DLGAP2: variants seen among roughly 807,000 people sequenced by gnomAD.
DLGAP2 encodes disks large-associated protein 2.
Under a neutral mutation model 100.3 loss-of-function variants are expected in DLGAP2, and 26 were observed. The observed-to-expected ratio is 0.26, with a 90% CI of 0.19 to 0.36. DLGAP2 has a LOEUF of 0.36. DLGAP2 is among the 10% of genes least tolerant of loss of function. The pLI, the probability that DLGAP2 is intolerant of heterozygous loss-of-function variation, is 1.00. For synonymous variants in DLGAP2, 886 were observed against 630.1 expected, an observed-to-expected ratio of 1.41 and a Z score of -6.08; for missense variants, 1,858 against 1,453.2, an observed-to-expected ratio of 1.28 and a Z score of -4.53.
intron 2 of DLGAP2, among the ~76,000 whole-genome samples, chr8:1,010,282 A>T (rs1476743167): frequency 2.1e-5 from 3 of 143,644 alleles, no homozygotes; most frequent in African/African-American, 8.1e-5. Flanking sequence ...ACATTCTCAC[A>T]TATGTGTGTA....
chr8:1,163,245 G>C (rs996200502), intron 2 of DLGAP2, among the ~76,000 whole-genome samples: 1 of 152,176 alleles, frequency 6.6e-6, no homozygotes, highest in Non-Finnish European at 1.5e-5. Flanking sequence ...CCTCCCAATC[G>C]CCTCCCTCTG....
At position 1,348,899 on chromosome 8, in the gene DLGAP2, C is replaced by G. The variant is rs1585285543; in HGVS notation, c.106+90016C>G. On this transcript the variant is annotated intron_variant, in intron 3 of 14. Coordinates refer to ENST00000637795, the MANE Select transcript of DLGAP2 (RefSeq NM_001346810.2). Reference sequence around the variant, plus strand: ...TGCCTTTGGAATCTTGTGGCATCATCTCAGGTTTGGATTTTGGATGTGACC... The same window carrying G: ...TGCCTTTGGAATCTTGTGGCATCATGTCAGGTTTGGATTTTGGATGTGACC... 2.0e-5 allele frequency among the ~76,000 whole-genome samples: 3 copies of G among 152,302 alleles called. No individual in the cohort carries two copies. In the East Asian group the frequency reaches 5.8e-4, roughly 29 times the overall value.
chr8:1,212,176 C>T (rs1167629824), intron 2 of DLGAP2, among the ~76,000 whole-genome samples: 2 of 152,228 alleles, frequency 1.3e-5, no homozygotes, highest in Non-Finnish European at 2.9e-5. Context: ...CCCCACATTC[C>T]CAAGAGCCTC....
At chr8:1,604,017 C>T (rs556951111) in intron 6 of DLGAP2, among the ~76,000 whole-genome samples, 97 of 152,284 alleles carry the variant, frequency 6.4e-4, no homozygotes, top group African/African-American at 2.2e-3. Context: ...AAGCCAGCTG[C>T]GGCCACACAT....
chr8:885,336 C>A (rs1255476407), intron 1 of DLGAP2, among the ~76,000 whole-genome samples: 1 of 152,102 alleles, frequency 6.6e-6, no homozygotes, highest in African/African-American at 2.4e-5. Flanking sequence ...TGAAGAGGTC[C>A]TTCACATCCC....
In DLGAP2 at chr8:1,350,801, TGC is replaced by T. The variant is rs1262772323; in HGVS notation, c.106+91920_106+91921del. 1.0e-4 allele frequency among the ~76,000 whole-genome samples: 5 copies of T among 49,460 alleles called. 1 individual carries two copies. The highest frequency in any genetic ancestry group is 1.3e-4 in the African/African-American group (2 of 15,362). 32.4% of individuals were successfully genotyped at this position (49,460 alleles called of 152,430 possible). On this transcript the variant is annotated intron_variant, in intron 3 of 14. Transcript: ENST00000637795. ...GGAAAGGCCGTGCGGGTCCTGAGTG[TGC>T]GTGGAAAGGCCATGCGGGTCCTGAG... is the stretch of plus-strand genomic sequence containing the variant.
At chr8:932,698 G>A (rs1798985524) in intron 2 of DLGAP2, among the ~76,000 whole-genome samples, 1 of 152,170 alleles carries the variant, frequency 6.6e-6, no homozygotes, top group Non-Finnish European at 1.5e-5. Context: ...GAAAGACAGA[G>A]AAAGAATCGT....
intron 3 of DLGAP2, among the ~76,000 whole-genome samples, chr8:1,298,123 C>G (rs377102969): frequency 0.04 from 2,452 of 61,486 alleles, 10 homozygotes; most frequent in Middle Eastern, 0.14. Context: ...TGGCAGGCGT[C>G]AACAGACACC....
intron 2 of DLGAP2, among the ~76,000 whole-genome samples, chr8:1,124,926 A>G (rs1796131167): frequency 6.6e-6 from 1 of 152,162 alleles, no homozygotes; most frequent in South Asian, 2.1e-4. Flanking sequence ...CTCTGCCCCT[A>G]TACCGAGGAG....
At chr8:1,544,056 C>T (rs2130499075) in intron 4 of DLGAP2, among the ~76,000 whole-genome samples, 1 of 152,184 alleles carries the variant, frequency 6.6e-6, no homozygotes, top group South Asian at 2.1e-4. Context: ...GTGCCTACTA[C>T]TATGCCTGGC....
chr8:1,593,414 C>G (rs1014874260), intron 6 of DLGAP2, among the ~76,000 whole-genome samples: 1 of 151,932 alleles, frequency 6.6e-6, no homozygotes, highest in African/African-American at 2.4e-5. Flanking sequence ...GAGATCGCGC[C>G]ACTGCACTCC....
intron 8 of DLGAP2, among the ~76,000 whole-genome samples, chr8:1,644,843 A>G (rs551952861): frequency 3.7e-4 from 56 of 152,386 alleles, no homozygotes; most frequent in Admixed American, 3.5e-3. Flanking sequence ...AAAGCATTAC[A>G]TTAAAAACAA....
In DLGAP2 at chr8:789,429, A is replaced by C. The variant is rs144247842; in HGVS notation, c.18+51604A>C. Among the ~76,000 whole-genome samples the C allele has an allele frequency of 9.0e-3, 1,377 of 152,276 alleles. 8 individuals carry two copies. The highest frequency in any genetic ancestry group is 0.017 in the Middle Eastern group (5 of 294). On this transcript the variant is annotated intron_variant, in intron 1 of 14. Coordinates refer to ENST00000637795, the MANE Select transcript of DLGAP2 (RefSeq NM_001346810.2). ...TGAGAACTCACTCACTATCACAAGA[A>C]CAGCAAGGGGAAATCCACCCCTGTG... is the stretch of plus-strand genomic sequence containing the variant.
At chr8:1,182,950 A>G (rs1330870544) in intron 2 of DLGAP2, among the ~76,000 whole-genome samples, 1 of 152,074 alleles carries the variant, frequency 6.6e-6, no homozygotes, top group East Asian at 1.9e-4. Flanking sequence ...GGAGACGCGC[A>G]CCATGGAGCC....
At chr8:761,228 C>T (rs1821075128) in intron 1 of DLGAP2, among the ~76,000 whole-genome samples, 1 of 152,250 alleles carries the variant, frequency 6.6e-6, no homozygotes. Context: ...TCTCCAGTTC[C>T]CAGTGAATTG....
intron 2 of DLGAP2, among the ~76,000 whole-genome samples, chr8:1,195,246 C>T (rs1797726499): frequency 6.6e-6 from 1 of 152,186 alleles, no homozygotes. Context: ...GACAGGCCTC[C>T]CAGTTCTGCC....
At chr8:1,325,509 A>G (rs889346476) in intron 3 of DLGAP2, among the ~76,000 whole-genome samples, 4 of 152,172 alleles carry the variant, frequency 2.6e-5, no homozygotes, top group Non-Finnish European at 4.4e-5. Flanking sequence ...ATTTATCTGT[A>G]AAAAACTTTG....
Position 1,338,828 on chromosome 8 carries a change from A to AATGC in DLGAP2, c.106+79946_106+79947insTGCA, listed in dbSNP as rs1268576164. ...GGGAGAGAATGCAGTGACCTAAGGG[A>AATGC]AGTGTCAGGACCTGGCAGGGAATGC... On this transcript the variant is annotated intron_variant, in intron 3 of 14. Transcript: ENST00000637795. 9.1e-5 allele frequency among the ~76,000 whole-genome samples: 8 copies of AATGC among 87,942 alleles called. 1 individual carries two copies. Among genetic ancestry groups the AATGC allele is most frequent in the Non-Finnish European group, 1.2e-4 (5 of 42,894 alleles). 57.7% of individuals were successfully genotyped at this position (87,942 alleles called of 152,430 possible).
chr8:1,073,092 T>G (rs1012908365), intron 2 of DLGAP2, among the ~76,000 whole-genome samples: 3 of 152,244 alleles, frequency 2.0e-5, no homozygotes, highest in Non-Finnish European at 4.4e-5. Context: ...AAGCCCACTG[T>G]TGAAGTCAGT....
Sources: allele counts gnomAD v4.1 joint callset (sites outside exome capture counted in the v4.1 genomes callset), GRCh38; gene constraint gnomAD v4.1.1; transcripts MANE v1.5; gene names NCBI Gene and HGNC (gene_info 2026-07-23, HGNC 2026-07-21).